ABCC6: variants seen among roughly 807,000 people sequenced by gnomAD.
The protein encoded by ABCC6 is ATP-binding cassette sub-family C member 6.
In ABCC6, 126 loss-of-function variants were observed where a neutral mutation model predicts 169.5. The observed-to-expected ratio is 0.74, with a 90% CI of 0.64 to 0.86. The LOEUF (loss-of-function observed/expected upper bound fraction) is 0.86. Among genes scored for constraint, ABCC6 ranks in the 40% least tolerant of loss-of-function variants. ABCC6 has a pLI of 0.00. For synonymous variants in ABCC6, 752 were observed against 814.7 expected (o/e 0.92, Z 1.31); for missense variants, 1,733 against 1,927.2 (o/e 0.90, Z 1.89).
chr16:16,187,222 C>A lies in ABCC6; in HGVS notation c.1780-11G>T, dbSNP rs532189625. 1.2e-6 allele frequency: 2 copies of A among 1,611,476 alleles called. No homozygotes were observed. Among genetic ancestry groups the A allele is most frequent in the Non-Finnish European group, 8.5e-7 (1 of 1,178,730 alleles). ...AAAGGACACCCGGGCCTAGGAAAACCGAAGCCGCAGGTCACCCAGCAAGAA... is the reference window on the plus strand; with the variant it reads ...AAAGGACACCCGGGCCTAGGAAAACAGAAGCCGCAGGTCACCCAGCAAGAA... On this transcript the variant is annotated splice_polypyrimidine_tract_variant and intron_variant, in intron 13 of 30. Coordinates refer to ENST00000205557, the MANE Select transcript of ABCC6 (RefSeq NM_001171.6).
chr16:16,178,876 G>A lies in ABCC6; in HGVS notation c.2337C>T (p.Pro779=). The change falls in exon 18 of 31, where the codon CCC becomes CCT. Residue 779 remains proline (P), a synonymous_variant. Coordinates refer to ENST00000205557, the MANE Select transcript of ABCC6 (RefSeq NM_001171.6). ...RKAAVYLLDD[P]LAALDAHVGQ... ...CAACGTGGGCATCCAGGGCCGCCAG[G>A]GGGTCATCCAGCAGGTACACAGCTG... is the stretch of plus-strand genomic sequence containing the variant. 1 of 1,613,914 alleles carries A rather than the reference G, an allele frequency of 6.2e-7. No individual in the cohort carries two copies. Among genetic ancestry groups the A allele is most frequent in the African/African-American group, 1.3e-5 (1 of 75,044 alleles).
chr16:16,153,267 G>A (rs899379470), intron 29 of ABCC6, among the ~76,000 whole-genome samples: 3 of 152,158 alleles, frequency 2.0e-5, no homozygotes, highest in South Asian at 2.1e-4. Flanking sequence ...TATTCAAAAC[G>A]GCCAAGAGGT....
intron 9 of ABCC6, 151 bp from the exon 10 acceptor site, chr16:16,198,333 G>A: frequency 1.3e-6 from 1 of 776,050 alleles, no homozygotes; most frequent in Admixed American, 2.9e-5. Flanking sequence ...GCTCTTTGAG[G>A]ATCCACAGAG....
chr16:16,173,239 G>A, intron 21 of ABCC6, 45 bp downstream of exon 21: 1 of 1,611,362 alleles, frequency 6.2e-7, no homozygotes, highest in Non-Finnish European at 8.5e-7. Context: ...GGCCCCTGGA[G>A]GTGGCAGCAG....
intron 11 of ABCC6, 54 bp downstream of exon 11, chr16:16,192,776 C>G: frequency 6.6e-7 from 1 of 1,523,286 alleles, no homozygotes; most frequent in Non-Finnish European, 9.1e-7. Flanking sequence ...ACACCAGGAC[C>G]TGTGGCTTCC....
In ABCC6 at chr16:16,214,364, G is replaced by A. The variant is rs561266462; in HGVS notation, c.560C>T (p.Ala187Val). The A allele has an allele frequency of 1.2e-5, 19 of 1,550,860 alleles. No individual in the cohort carries two copies. The highest frequency in any genetic ancestry group is 9.8e-5 in the East Asian group (4 of 40,858). Residue 187 changes from alanine to valine, a missense_variant, in exon 5 of 31, where the codon GCG becomes GTG. Physicochemically the swap from Ala to Val is moderately conservative, Grantham distance 64 (BLOSUM62 0). This residue lies in a region of ABCC6 where 49 missense variants were observed against 85.8 expected (regional missense o/e 0.57). Transcript: ENST00000205557. ...VVAQFVLSCL[A>V]DQPPFFPEDP... ...TTCAGGGAAGAAGGGGGGTTGATCC[G>A]CCAGGCAGGACAGCACAAACTGTGC...
chr16:16,199,983 G>A (rs12596373), intron 9 of ABCC6, among the ~76,000 whole-genome samples: 53,683 of 150,474 alleles, frequency 0.36, 10,195 homozygotes, highest in Admixed American at 0.43. Flanking sequence ...CAGGACAATT[G>A]CTTGAACCCA....
intron 14 of ABCC6, among the ~76,000 whole-genome samples, chr16:16,186,639 C>A (rs1431297876): frequency 6.7e-6 from 1 of 149,768 alleles, no homozygotes; most frequent in African/African-American, 2.5e-5. Context: ...CCATCACCCG[C>A]TTTGGGGCCA....
At chr16:16,174,117 T>C (rs1229850754) in intron 20 of ABCC6, among the ~76,000 whole-genome samples, 7 of 152,224 alleles carry the variant, frequency 4.6e-5, no homozygotes, top group Admixed American at 1.3e-4. Context: ...TTCTATTAAA[T>C]TGAGGTTAGC....
In ABCC6 at chr16:16,160,628, CAAAAAAAAAAA is replaced by C. The variant is rs34511090; in HGVS notation, c.3633+799_3633+809del. Among the ~76,000 whole-genome samples the C allele has an allele frequency of 9.9e-3, 758 of 76,406 alleles. 8 individuals are homozygous for C. Among genetic ancestry groups the C allele is most frequent in the Middle Eastern group, 0.061 (5 of 82 alleles). The allele number at this position is 76,406 out of a possible 152,430, so 50.1% of individuals were successfully genotyped here. On this transcript the variant is annotated intron_variant, in intron 25 of 30. Transcript: ENST00000205557. ...GGCAACATGGTGAAACTGTTTCTACCAAAAAAAAAAAAAAAAAAAAAAAAAAAATTAGCCAG... is the reference window on the plus strand; with the variant it reads ...GGCAACATGGTGAAACTGTTTCTACCAAAAAAAAAAAAAAAAATTAGCCAG...
intron 29 of ABCC6, among the ~76,000 whole-genome samples, chr16:16,154,375 G>A (rs2046473292): frequency 1.3e-5 from 2 of 152,216 alleles, no homozygotes; most frequent in Non-Finnish European, 2.9e-5. Context: ...AAGGCTATCA[G>A]TAGCCCTGTG....
intron 15 of ABCC6, chr16:16,184,293 T>C (rs2047576092): frequency 4.7e-6 from 1 of 211,814 alleles, no homozygotes; most frequent in Admixed American, 5.1e-5. Context: ...CTTCCCTCGC[T>C]AGACATGCCA....
In ABCC6 at chr16:16,163,088, G is replaced by C. The variant is rs772396564; in HGVS notation, c.3411C>G (p.Val1137=). ...AGGGGGCCTGGGTTCGGAATGCCCG[G>C]ACCACTGTGCTGCCCTGGAACGTCT... ...MAETFQGSTV[V]RAFRTQAPFV... is the part of the protein sequence containing the mutation. The change falls in exon 24 of 31, where the codon GTC becomes GTG. Residue 1137 remains valine (V), a synonymous_variant. Coordinates refer to ENST00000205557, the MANE Select transcript of ABCC6 (RefSeq NM_001171.6). The C allele has an allele frequency of 6.8e-6, 11 of 1,613,770 alleles. No individual in the cohort carries two copies. In the South Asian group the frequency reaches 8.8e-5, roughly 13 times the overall value.
chr16:16,182,877 C>T lies in ABCC6; in HGVS notation c.1997G>A (p.Gly666Glu). The T allele has an allele frequency of 3.1e-6, 5 of 1,614,002 alleles. No individual in the cohort carries two copies. Among genetic ancestry groups the T allele is most frequent in the Non-Finnish European group, 4.2e-6 (5 of 1,180,002 alleles). ...GGACAGCAGGGAGGACTTCCCTGCC[C>T]CCACTGGACCGACAACAGCCAGCAG... ...GCLLAVVGPV[G>E]AGKSSLLSAL... The change falls in exon 16 of 31, where the codon GGG becomes GAG. Residue 666 changes from glycine to glutamate, a missense_variant. Physicochemically the swap from Gly to Glu is moderately conservative, Grantham distance 98. Transcript: ENST00000205557.
intron 17 of ABCC6, 116 bp from the exon 18 acceptor site, chr16:16,179,081 T>C: frequency 7.6e-6 from 9 of 1,178,986 alleles, no homozygotes; most frequent in Non-Finnish European, 9.7e-6. Flanking sequence ...CAGCTCAACA[T>C]GCCTATTCCC....
intron 22 of ABCC6, among the ~76,000 whole-genome samples, chr16:16,169,314 G>A (rs2046982030): frequency 6.6e-6 from 1 of 152,154 alleles, no homozygotes; most frequent in South Asian, 2.1e-4. Context: ...AGGAGTGATA[G>A]CGGTGATGCA....
chr16:16,182,332 A>T, intron 17 of ABCC6, 80 bp downstream of exon 17: 1 of 1,539,594 alleles, frequency 6.5e-7, no homozygotes, highest in Non-Finnish European at 9.0e-7. Flanking sequence ...TCTCCATCAT[A>T]CTGCCCATGA....
Position 16,184,179 on chromosome 16 carries a change from A to T in ABCC6, c.1943+780T>A, listed in dbSNP as rs190354733. On this transcript the variant is annotated intron_variant, in intron 15 of 30. Coordinates refer to ENST00000205557, the MANE Select transcript of ABCC6 (RefSeq NM_001171.6). ...ATGCCATTGCACTCCAGCCCGCGTG[A>T]TAGAGCAAGACTCCGTTTCAAAAAA... The T allele has an allele frequency of 5.0e-3, 814 of 161,994 alleles. 7 individuals carry two copies. Among genetic ancestry groups the T allele is most frequent in the Middle Eastern group, 8.8e-3 (16 of 1,810 alleles). The allele number at this position is 161,994 out of a possible 1,614,324, so 10.0% of individuals were successfully genotyped here. A position where few individuals can be genotyped will look rare whatever the true frequency, so the allele number is the denominator to read the frequency against.
At chr16:16,209,838 C>A (rs144165977) in intron 6 of ABCC6, among the ~76,000 whole-genome samples, 48 of 152,076 alleles carry the variant, frequency 3.2e-4, no homozygotes, top group Admixed American at 9.8e-4. Flanking sequence ...TCAAGCAATC[C>A]TCCCACCTCA....
Sources: allele counts gnomAD v4.1 joint callset (sites outside exome capture counted in the v4.1 genomes callset), GRCh38; gene constraint gnomAD v4.1.1; regional missense constraint gnomAD v4.1.1; transcripts MANE v1.5; gene names NCBI Gene and HGNC (gene_info 2026-07-23, HGNC 2026-07-21).